The following PRKD2 variants were observed in gnomAD, a reference collection of about 807,000 sequenced individuals.
PRKD2 encodes serine/threonine-protein kinase D2.
PRKD2 carries 22 observed loss-of-function variants against 86.0 expected under a neutral mutation model. The ratio of observed to expected loss-of-function variants is 0.26; its 90% CI spans 0.18 to 0.37. The LOEUF is 0.37. Among genes scored for constraint, PRKD2 ranks in the 10% least tolerant of loss-of-function variants. The probability of loss-of-function intolerance (pLI) is 1.00; values close to 1 mark genes in which losing one functional copy is unlikely to be tolerated. For missense variants in PRKD2, 818 were observed against 1,199.2 expected (o/e 0.68, Z 4.70); for synonymous variants, 509 against 510.9 (o/e 1.00, Z 0.05).
intron 9 of PRKD2, among the ~76,000 whole-genome samples, chr19:46,695,801 C>T (rs1408909553): frequency 2.0e-5 from 3 of 151,982 alleles, no homozygotes; most frequent in African/African-American, 7.2e-5. Flanking sequence ...ATGACATGGA[C>T]ACGTCGGGGG....
At chr19:46,706,233 T>C (rs2053712397) in intron 3 of PRKD2, among the ~76,000 whole-genome samples, 1 of 152,192 alleles carries the variant, frequency 6.6e-6, no homozygotes, top group Non-Finnish European at 1.5e-5. Context: ...CTGGACGTTC[T>C]GTATGTGTGC....
chr19:46,713,919 A>G lies in PRKD2; in HGVS notation c.323T>C (p.Leu108Pro), dbSNP rs1376459417. 6.2e-7 allele frequency: 1 copy of G among 1,600,014 alleles called. No homozygotes were observed. Among genetic ancestry groups the G allele is most frequent in the Non-Finnish European group, 8.5e-7 (1 of 1,172,234 alleles). Residue 108 changes from leucine (L) to proline (P), a missense_variant, in exon 2 of 18, where the codon CTG becomes CCG. Leu to Pro is a moderately conservative substitution (Grantham distance 98). Around this residue, in one of 5 missense-constraint regions of PRKD2, gnomAD observed 403 missense variants for 518.6 expected, o/e 0.78. Transcript: ENST00000291281. ...HDPTSANLLQ[L>P]VRSSGDIQEG... ...CTGGATGTCTCCGGACGAGCGCACC[A>G]GCTGCAGGAGGTTGGCCGACGTGGG...
chr19:46,714,242 G>A (rs1013661629), intron 1 of PRKD2: 1 of 1,288,360 alleles, frequency 7.8e-7, no homozygotes, highest in Admixed American at 3.4e-5. Context: ...GGGAGCTGGG[G>A]TGGGAGGGAG....
Position 46,716,094 on chromosome 19 carries a change from TC to T in PRKD2, c.240+36del, listed in dbSNP as rs1340988123. ...TCTGCCAGCGCCCCCTCCTTCAACC[TC>T]TCCCCGAGCTGGATCCAGGGAGCCT... On this transcript the variant is annotated intron_variant, in intron 1 of 17. Coordinates refer to ENST00000291281, the MANE Select transcript of PRKD2 (RefSeq NM_016457.5). This position sits in a 1 kb window ranked among gnomAD's most constrained non-coding sequence, Gnocchi z 7.9. The T allele has an allele frequency of 6.2e-7, 1 of 1,600,268 alleles. No individual in the cohort carries two copies. Among genetic ancestry groups the T allele is most frequent in the Non-Finnish European group, 8.5e-7 (1 of 1,174,308 alleles).
At chr19:46,714,099 C>G in intron 1 of PRKD2, 98 bp from the exon 2 acceptor site, 3 of 1,476,072 alleles carry the variant, frequency 2.0e-6, no homozygotes, top group South Asian at 2.7e-5. Flanking sequence ...GGCTGTTTCC[C>G]CCGGAAACGC....
rs61231695 is a variant in PRKD2, at chr19:46,708,308, C to CTT, written c.511+2597_511+2598dup. ...GCTGTAATCCAATGGGACTGGTGAC[C>CTT]TTTTTTTTTTTTTTTTTTTTTTTTT... On this transcript the variant is annotated intron_variant, in intron 3 of 17. Coordinates refer to ENST00000291281, the MANE Select transcript of PRKD2 (RefSeq NM_016457.5). Among the ~76,000 whole-genome samples, 14 of 82,160 alleles carry CTT rather than the reference C, an allele frequency of 1.7e-4. 1 individual carries two copies. Among genetic ancestry groups the CTT allele is most frequent in the East Asian group, 6.9e-4 (2 of 2,914 alleles). The allele number at this position is 82,160 out of a possible 152,430, so 53.9% of individuals were successfully genotyped here. A position where few individuals can be genotyped will look rare whatever the true frequency, so the allele number is the denominator to read the frequency against.
At position 46,688,437 on chromosome 19, in the gene PRKD2, TTATTA is replaced by T. The variant is rs1175097696; in HGVS notation, c.1971+1095_1971+1099del. ...TGATTACTCTTTATTATTATTATTA[TTATTA>T]TTTTTTTTTTTGAGACGAAGTTTCA... On this transcript the variant is annotated intron_variant, in intron 14 of 17. Coordinates refer to ENST00000291281, the MANE Select transcript of PRKD2 (RefSeq NM_016457.5). Among the ~76,000 whole-genome samples, 19 of 146,688 alleles carry T rather than the reference TTATTA, an allele frequency of 1.3e-4. 1 individual carries two copies. Among genetic ancestry groups the T allele is most frequent in the East Asian group, 9.8e-4 (5 of 5,118 alleles).
chr19:46,702,031 G>GTTTTTTTTTTTTT lies in PRKD2; in HGVS notation c.890-920_890-919insAAAAAAAAAAAAA, dbSNP rs869150137. ...TATTTTATGAAGGTTCTATGATTCT[G>GTTTTTTTTTTTTT]TTTTTTGTTTTTTTTTTTTTTTTTT... On this transcript the variant is annotated intron_variant, in intron 5 of 17. Transcript: ENST00000291281. Among the ~76,000 whole-genome samples, 2 of 122,196 alleles carry GTTTTTTTTTTTTT rather than the reference G, an allele frequency of 1.6e-5. 1 individual carries two copies. The allele number at this position is 122,196 out of a possible 152,430, so 80.2% of individuals were successfully genotyped here. A position where few individuals can be genotyped will look rare whatever the true frequency, so the allele number is the denominator to read the frequency against.
chr19:46,715,975 AGGGGCAATGGAGG>A (rs1188199710), intron 1 of PRKD2, among the ~76,000 whole-genome samples, 143 bp downstream of exon 1: 1 of 152,136 alleles, frequency 6.6e-6, no homozygotes, highest in African/African-American at 2.4e-5. Context: ...TGGTGGGGAG[AGGGGCAATGGAGG>A]GGGGCAATGC....
intron 14 of PRKD2, 94 bp from the exon 15 acceptor site, chr19:46,681,842 T>C (rs1283212881): frequency 2.6e-5 from 13 of 492,266 alleles, no homozygotes; most frequent in South Asian, 6.1e-5. Flanking sequence ...ATCCATACTT[T>C]TTTTTTTTTT....
rs1352717877 is a variant in PRKD2 at position 46,716,023 on chromosome 19, CT to C, written c.240+107del. 6.8e-7 allele frequency: 1 copy of C among 1,472,794 alleles called. No homozygotes were observed. Among genetic ancestry groups the C allele is most frequent in the Non-Finnish European group, 9.0e-7 (1 of 1,108,174 alleles). The allele number at this position is 1,472,794 out of a possible 1,614,324, so 91.2% of individuals were successfully genotyped here. A position where few individuals can be genotyped will look rare whatever the true frequency, so the allele number is the denominator to read the frequency against. ...CCCCCTATCCCTCCATCACCCAAAG[CT>C]CAGGTCTCCTTCCTCCCTCTTCCGC... On this transcript the variant is annotated intron_variant, in intron 1 of 17. Coordinates refer to ENST00000291281, the MANE Select transcript of PRKD2 (RefSeq NM_016457.5). This position sits in a 1 kb window ranked among gnomAD's most constrained non-coding sequence, Gnocchi z 7.9.
At chr19:46,704,422 C>T (rs1188055792) in intron 4 of PRKD2, 31 bp from the exon 5 acceptor site, 3 of 1,613,770 alleles carry the variant, frequency 1.9e-6, no homozygotes, top group Non-Finnish European at 2.5e-6. Context: ...GGGGACACAT[C>T]AGTGCGTTGG....
chr19:46,676,793 C>T (rs1227778301), intron 16 of PRKD2, among the ~76,000 whole-genome samples: 1 of 152,190 alleles, frequency 6.6e-6, no homozygotes, highest in Non-Finnish European at 1.5e-5. Context: ...GGTGTGATGG[C>T]TTATGCCTGC....
chr19:46,676,382 G>A (rs1196727614), intron 16 of PRKD2, among the ~76,000 whole-genome samples: 1 of 152,186 alleles, frequency 6.6e-6, no homozygotes, highest in Non-Finnish European at 1.5e-5. Context: ...CCAAGATCGT[G>A]CCACTGCACT....
At chr19:46,710,699 T>C (rs1377500781) in intron 3 of PRKD2, 4 of 461,594 alleles carry the variant, frequency 8.7e-6, no homozygotes, top group African/African-American at 8.3e-5. Context: ...GCTCCGCCCC[T>C]AGACCTGAGC....
intron 15 of PRKD2, among the ~76,000 whole-genome samples, chr19:46,679,774 G>A (rs1394569543): frequency 1.3e-5 from 2 of 151,962 alleles, no homozygotes; most frequent in Admixed American, 6.6e-5. Context: ...ACAGGGACCC[G>A]CCACCATGCC....
At chr19:46,675,369 TC>T (rs527624108) in intron 16 of PRKD2, among the ~76,000 whole-genome samples, 39 of 152,084 alleles carry the variant, frequency 2.6e-4, no homozygotes, top group Non-Finnish European at 4.3e-4. Context: ...ATTTCCCCAT[TC>T]CCCTATGTCA....
chr19:46,699,660 G>A (rs1015632871), intron 7 of PRKD2, among the ~76,000 whole-genome samples: 1 of 152,196 alleles, frequency 6.6e-6, no homozygotes, highest in African/African-American at 2.4e-5. Context: ...GCCACACCCA[G>A]ATAGGAAGTG....
rs139718534 is a variant in PRKD2, at chr19:46,678,706, C to T, written c.2071-43G>A. On this transcript the variant is annotated intron_variant, in intron 15 of 17. Transcript: ENST00000291281. This position sits in a 1 kb window ranked among gnomAD's most constrained non-coding sequence, Gnocchi z 5.7. ...TGGAGGCTCCACCAGGTGATGGAGCCGCACCCACCCCAGCATCCCCACCAC... is the reference window on the plus strand; with the variant it reads ...TGGAGGCTCCACCAGGTGATGGAGCTGCACCCACCCCAGCATCCCCACCAC... The T allele has an allele frequency of 4.4e-4, 694 of 1,573,062 alleles. 8 individuals are homozygous for T. In the African/African-American group the frequency reaches 7.8e-3, roughly 18 times the overall value.
Sources: gnomAD v4.1 joint callset for allele counts (sites outside exome capture counted in the v4.1 genomes callset) on GRCh38, gnomAD v4.1.1 for gene constraint, gnomAD v4.1.1 regional missense constraint, Gnocchi (gnomAD v3.1) non-coding constraint, MANE v1.5 for transcripts, NCBI Gene and HGNC (gene_info 2026-07-23, HGNC 2026-07-21) for gene names.